GNAQ: variants seen among roughly 807,000 people sequenced by gnomAD.
The protein encoded by GNAQ is guanine nucleotide-binding protein G(q) subunit alpha.
A neutral mutation model predicts 43.9 loss-of-function variants in GNAQ; 8 were observed. The ratio of observed to expected loss-of-function variants is 0.18; its 90% CI spans 0.11 to 0.33. GNAQ has a LOEUF of 0.33. Among genes scored for constraint, GNAQ ranks in the 10% least tolerant of loss-of-function variants. The pLI is 1.00. For synonymous variants in GNAQ, 155 were observed against 170.7 expected (o/e 0.91, Z 0.71); for missense variants, 158 against 450.8 (o/e 0.35, Z 5.88).
At chr9:77,769,343 A>C (rs1263559472) in intron 5 of GNAQ, among the ~76,000 whole-genome samples, 1 of 151,764 alleles carries the variant, frequency 6.6e-6, no homozygotes, top group Non-Finnish European at 1.5e-5. Flanking sequence ...TGGAGGTTGC[A>C]GTGAGCTGAG....
At chr9:77,726,132 C>T (rs992522233) in intron 6 of GNAQ, among the ~76,000 whole-genome samples, 3 of 152,194 alleles carry the variant, frequency 2.0e-5, no homozygotes, top group Non-Finnish European at 4.4e-5. Context: ...TAACTACCCA[C>T]ACAGTCACTT....
At chr9:77,857,203 G>A (rs189873773) in intron 2 of GNAQ, among the ~76,000 whole-genome samples, 12 of 152,266 alleles carry the variant, frequency 7.9e-5, no homozygotes, top group African/African-American at 2.9e-4. Flanking sequence ...CTTCATCACC[G>A]TTGGTATTAG....
At chr9:77,748,434 C>T (rs928035516) in intron 5 of GNAQ, among the ~76,000 whole-genome samples, 2 of 152,194 alleles carry the variant, frequency 1.3e-5, no homozygotes, top group Non-Finnish European at 2.9e-5. Flanking sequence ...CCCTGATGCT[C>T]CCAATTAACT....
intron 1 of GNAQ, among the ~76,000 whole-genome samples, chr9:77,981,667 C>T (rs984332477): frequency 6.6e-6 from 1 of 152,176 alleles, no homozygotes; most frequent in African/African-American, 2.4e-5. Flanking sequence ...ACAACCTTAT[C>T]TTAAATCTCC....
intron 1 of GNAQ, among the ~76,000 whole-genome samples, chr9:77,939,061 A>T (rs1273844515): frequency 6.6e-6 from 1 of 152,138 alleles, no homozygotes; most frequent in Non-Finnish European, 1.5e-5. Context: ...GCCCAGGCTG[A>T]CCTGGGAGAG....
intron 5 of GNAQ, among the ~76,000 whole-genome samples, chr9:77,778,118 CTT>C (rs1826332218): frequency 6.6e-6 from 1 of 151,764 alleles, no homozygotes; most frequent in African/African-American, 2.4e-5. Context: ...TAAATAAAAA[CTT>C]TTATTTTTCT....
At chr9:77,978,195 G>A (rs1823326762) in intron 1 of GNAQ, among the ~76,000 whole-genome samples, 1 of 152,098 alleles carries the variant, frequency 6.6e-6, no homozygotes, top group South Asian at 2.1e-4. Flanking sequence ...TTAACGAAAT[G>A]ACAGGCTTCT....
At chr9:77,774,677 G>A (rs1826280971) in intron 5 of GNAQ, among the ~76,000 whole-genome samples, 1 of 152,032 alleles carries the variant, frequency 6.6e-6, no homozygotes, top group Non-Finnish European at 1.5e-5. Context: ...TGTCCAGGTT[G>A]GACTCCAACT....
At chr9:77,934,628 A>G (rs1829205174) in intron 1 of GNAQ, among the ~76,000 whole-genome samples, 1 of 152,208 alleles carries the variant, frequency 6.6e-6, no homozygotes, top group African/African-American at 2.4e-5. Flanking sequence ...TTATCCCAGT[A>G]ATTTCAAATA....
Position 77,883,637 on chromosome 9 carries a change from G to GC in GNAQ, c.321+38523dup, listed in dbSNP as rs1441374141. ...ACCTATAGGTAATTTTTCAACCCTT[G>GC]CCCCCGCCCCCACTCTCCTCGCTTT... On this transcript the variant is annotated intron_variant, in intron 2 of 6. Coordinates refer to ENST00000286548, the MANE Select transcript of GNAQ (RefSeq NM_002072.5). Among the ~76,000 whole-genome samples, 702 of 149,728 alleles carry GC rather than the reference G, an allele frequency of 4.7e-3. 6 individuals are homozygous for GC. Among genetic ancestry groups the GC allele is most frequent in the African/African-American group, 0.016 (651 of 40,224 alleles).
intron 2 of GNAQ, among the ~76,000 whole-genome samples, chr9:77,912,847 A>G (rs1828830836): frequency 6.6e-6 from 1 of 152,188 alleles, no homozygotes; most frequent in South Asian, 2.1e-4. Flanking sequence ...AGCCATCAGA[A>G]TAGCCAAATT....
chr9:77,760,852 C>T (rs1375251776), intron 5 of GNAQ, among the ~76,000 whole-genome samples: 1 of 145,966 alleles, frequency 6.9e-6, no homozygotes, highest in Non-Finnish European at 1.5e-5. Flanking sequence ...AGTGCCTTTG[C>T]GCCACCGCCC....
chr9:77,847,701 C>T (rs994430584), intron 2 of GNAQ, among the ~76,000 whole-genome samples: 10 of 152,174 alleles, frequency 6.6e-5, no homozygotes, highest in Admixed American at 2.0e-4. Flanking sequence ...ATGAACTAGT[C>T]CACTGTCAAG....
intron 5 of GNAQ, among the ~76,000 whole-genome samples, chr9:77,749,919 T>G (rs1825785797): frequency 2.0e-5 from 3 of 152,190 alleles, no homozygotes; most frequent in Non-Finnish European, 2.9e-5. Flanking sequence ...GTATATTTTT[T>G]TCATACATTG....
Position 77,886,956 on chromosome 9 carries a change from C to CA in GNAQ, c.321+35204dup, listed in dbSNP as rs67836669. Among the ~76,000 whole-genome samples the CA allele has an allele frequency of 3.3e-3, 458 of 137,524 alleles. 1 individual carries two copies. Among genetic ancestry groups the CA allele is most frequent in the African/African-American group, 9.9e-3 (356 of 35,800 alleles). 90.2% of individuals were successfully genotyped at this position (137,524 alleles called of 152,430 possible). A position where few individuals can be genotyped will look rare whatever the true frequency, so the allele number is the denominator to read the frequency against. On this transcript the variant is annotated intron_variant, in intron 2 of 6. Transcript: ENST00000286548. ...AAACCCCATCTCTACTAAAGAAATA[C>CA]AAAAAAAAAAAAAAAATTAGCTGGG...
chr9:77,745,888 T>C (rs1281154793), intron 5 of GNAQ, among the ~76,000 whole-genome samples: 1 of 152,018 alleles, frequency 6.6e-6, no homozygotes, highest in African/African-American at 2.4e-5. Context: ...ATCAAATCTC[T>C]AGGTTAAAGG....
intron 2 of GNAQ, among the ~76,000 whole-genome samples, chr9:77,916,948 TCA>T (rs1449140025): frequency 6.6e-6 from 1 of 152,150 alleles, no homozygotes; most frequent in Non-Finnish European, 1.5e-5. Context: ...CACCCTTATT[TCA>T]CAGTTCATAG....
chr9:77,769,524 AG>A (rs1310617742), intron 5 of GNAQ, among the ~76,000 whole-genome samples: 2 of 152,184 alleles, frequency 1.3e-5, no homozygotes, highest in Admixed American at 1.3e-4. Context: ...TCTGTAACAC[AG>A]GCAGGAAGAA....
At chr9:77,951,240 G>A (rs561674806) in intron 1 of GNAQ, among the ~76,000 whole-genome samples, 11 of 151,864 alleles carry the variant, frequency 7.2e-5, no homozygotes, top group Admixed American at 6.6e-4. Context: ...TGGAATTACA[G>A]GCTCACGCCA....
Sources: allele counts gnomAD v4.1 joint callset (sites outside exome capture counted in the v4.1 genomes callset), GRCh38; gene constraint gnomAD v4.1.1; transcripts MANE v1.5; gene names NCBI Gene and HGNC (gene_info 2026-07-23, HGNC 2026-07-21).